Variants in NTM observed in about 807,000 individuals in gnomAD.
The protein encoded by NTM is neurotrimin.
Under a neutral mutation model 42.1 loss-of-function variants are expected in NTM, and 13 were observed. The ratio of observed to expected loss-of-function variants is 0.31; its 90% CI spans 0.20 to 0.49. NTM has a LOEUF of 0.49. Ranked by LOEUF, NTM falls within the 20% of genes least tolerant of loss-of-function variation. The probability of loss-of-function intolerance (pLI) is 0.99; values close to 1 mark genes in which losing one functional copy is unlikely to be tolerated. For synonymous variants in NTM, 187 were observed against 179.2 expected, an observed-to-expected ratio of 1.04 and a Z score of -0.35; for missense variants, 373 against 452.8, an observed-to-expected ratio of 0.82 and a Z score of 1.60.
chr11:131,785,138 GC>G (rs1485228375), intron 1 of NTM, among the ~76,000 whole-genome samples: 2 of 152,126 alleles, frequency 1.3e-5, no homozygotes, highest in Non-Finnish European at 2.9e-5. Context: ...GACACAACTA[GC>G]CTTTGCATGT....
At chr11:131,988,449 C>G (rs2066445014) in intron 2 of NTM, among the ~76,000 whole-genome samples, 1 of 152,176 alleles carries the variant, frequency 6.6e-6, no homozygotes, top group African/African-American at 2.4e-5. Context: ...TGCTCTCTCT[C>G]CTTTCTTCCA....
chr11:131,700,389 G>C lies in NTM; in HGVS notation c.83-211175G>C, dbSNP rs145135659. ...CTCATTCCACACTTTGTCTCTAAGAGATCCCCCTTTCTCCCATAGTTTTAG... is the reference window on the plus strand; with the variant it reads ...CTCATTCCACACTTTGTCTCTAAGACATCCCCCTTTCTCCCATAGTTTTAG... On this transcript the variant is annotated intron_variant, in intron 1 of 8. Coordinates refer to ENST00000683400, the MANE Select transcript of NTM (RefSeq NM_001352005.2). Among the ~76,000 whole-genome samples the C allele has an allele frequency of 2.4e-3, 369 of 152,218 alleles. 1 individual carries two copies. Among genetic ancestry groups the C allele is most frequent in the African/African-American group, 8.3e-3 (343 of 41,532 alleles).
intron 2 of NTM, among the ~76,000 whole-genome samples, chr11:132,084,225 T>C (rs928436755): frequency 6.6e-6 from 1 of 152,158 alleles, no homozygotes; most frequent in African/African-American, 2.4e-5. Context: ...CAATTGTCTA[T>C]GAATAAGAAT....
At position 132,263,223 on chromosome 11, in the gene NTM, G is replaced by GC. The variant is rs541756424; in HGVS notation, c.527-44464dup. ...TCCAACCCCAAGGCTGTTCAAGGGGGCCATCTGGCCTGTTGAAACTGAGGT... is the reference window on the plus strand; with the variant it reads ...TCCAACCCCAAGGCTGTTCAAGGGGGCCCATCTGGCCTGTTGAAACTGAGGT... On this transcript the variant is annotated intron_variant, in intron 4 of 8. Transcript: ENST00000683400. Among the ~76,000 whole-genome samples, 82 of 152,328 alleles carry GC rather than the reference G, an allele frequency of 5.4e-4. No individual in the cohort carries two copies. In the South Asian group the frequency reaches 0.014, roughly 27 times the overall value.
chr11:132,207,487 T>A (rs2082167132), intron 3 of NTM, among the ~76,000 whole-genome samples: 1 of 152,168 alleles, frequency 6.6e-6, no homozygotes, highest in East Asian at 1.9e-4. Context: ...TCATTATATG[T>A]TACAACATTA....
Position 132,336,486 on chromosome 11 carries a change from C to T in NTM, c.*1340C>T, listed in dbSNP as rs998980280. ...GTGGCCCCGCTTTCTCCATTCTGCC[C>T]TGTGGCGTTAACAGACAGCAAGCAG... On this transcript the variant is annotated 3_prime_UTR_variant, in exon 9 of 9. Coordinates refer to ENST00000683400, the MANE Select transcript of NTM (RefSeq NM_001352005.2). The T allele has an allele frequency of 6.6e-6, 1 of 152,602 alleles. No individual in the cohort carries two copies. Among genetic ancestry groups the T allele is most frequent in the Admixed American group, 6.5e-5 (1 of 15,284 alleles). The allele number at this position is 152,602 out of a possible 1,614,324, so 9.5% of individuals were successfully genotyped here.
At chr11:131,893,276 G>A (rs554479199) in intron 1 of NTM, among the ~76,000 whole-genome samples, 14 of 152,338 alleles carry the variant, frequency 9.2e-5, no homozygotes, top group African/African-American at 3.4e-4. Flanking sequence ...AGGAGGAGCA[G>A]AGGGGGAGCC....
At chr11:131,447,202 T>C (rs1322479956) in intron 1 of NTM, among the ~76,000 whole-genome samples, 1 of 152,172 alleles carries the variant, frequency 6.6e-6, no homozygotes, top group African/African-American at 2.4e-5. Flanking sequence ...CCACATGGTT[T>C]TGCGATGGCC....
intron 1 of NTM, among the ~76,000 whole-genome samples, chr11:131,566,173 T>C (rs1463066611): frequency 1.3e-5 from 2 of 152,304 alleles, no homozygotes; most frequent in East Asian, 3.9e-4. Context: ...ATAAGATCTA[T>C]CACGGCGCTT....
chr11:131,421,964 T>A lies in NTM; in HGVS notation c.82+51076T>A, dbSNP rs567140380. Among the ~76,000 whole-genome samples the A allele has an allele frequency of 1.4e-3, 213 of 152,306 alleles. 3 individuals are homozygous for A. In the South Asian group the frequency reaches 0.018, roughly 13 times the overall value. On this transcript the variant is annotated intron_variant, in intron 1 of 8. Transcript: ENST00000683400. Reference sequence around the variant, plus strand: ...TCTCTGGAGATATTAACTGTTCTGATGTCCTGTGAGTAGGCAGTGGTCAGG... The same window carrying A: ...TCTCTGGAGATATTAACTGTTCTGAAGTCCTGTGAGTAGGCAGTGGTCAGG...
chr11:132,331,582 C>T (rs1177112592), intron 8 of NTM, among the ~76,000 whole-genome samples: 1 of 152,180 alleles, frequency 6.6e-6, no homozygotes. Context: ...CTTCTTTCAA[C>T]AAACATTGGT....
chr11:132,154,395 C>A (rs2072692017), intron 3 of NTM, among the ~76,000 whole-genome samples: 1 of 152,196 alleles, frequency 6.6e-6, no homozygotes, highest in Non-Finnish European at 1.5e-5. Context: ...ATGCTTCTTG[C>A]ATGGTTAAGA....
At chr11:131,680,684 T>C (rs903649776) in intron 1 of NTM, among the ~76,000 whole-genome samples, 81 of 58,490 alleles carry the variant, frequency 1.4e-3, no homozygotes, top group African/African-American at 4.7e-3. Context: ...AGATCATGCC[T>C]GTGTCTGTGT....
At chr11:132,209,138 T>C (rs1277670507) in intron 3 of NTM, among the ~76,000 whole-genome samples, 1 of 152,220 alleles carries the variant, frequency 6.6e-6, no homozygotes, top group African/African-American at 2.4e-5. Context: ...TCAATTTAAA[T>C]GATTCCAGAA....
At chr11:131,911,360 G>A (rs2054921591) in intron 1 of NTM, 2 of 1,532,036 alleles carry the variant, frequency 1.3e-6, no homozygotes, top group Middle Eastern at 1.8e-4. Context: ...CGCGCCTCCC[G>A]GTCGCCGCGG....
At chr11:131,873,899 C>A (rs1330364929) in intron 1 of NTM, among the ~76,000 whole-genome samples, 1 of 139,542 alleles carries the variant, frequency 7.2e-6, no homozygotes, top group African/African-American at 2.6e-5. Context: ...TGAGTGAGAA[C>A]ATGCAGTGTT....
rs780399284 is a variant in NTM, at chr11:131,533,407, G to A, written c.82+162519G>A. 6.6e-4 allele frequency among the ~76,000 whole-genome samples: 101 copies of A among 152,200 alleles called. 1 individual carries two copies. The highest frequency in any genetic ancestry group is 2.5e-4 in the Non-Finnish European group (17 of 68,034). ...GGCCTTGATAAATGCCTTTCTCTGT[G>A]TCTGTTACACCAGCCCAGGAGAGAA... On this transcript the variant is annotated intron_variant, in intron 1 of 8. Transcript: ENST00000683400.
chr11:132,228,497 G>T (rs1592364858), intron 4 of NTM, among the ~76,000 whole-genome samples: 1 of 152,254 alleles, frequency 6.6e-6, no homozygotes, highest in Non-Finnish European at 1.5e-5. Context: ...TGCCACCATT[G>T]CCCTAGAGGC....
chr11:132,183,479 CTAAAT>C (rs2077894849), intron 3 of NTM, among the ~76,000 whole-genome samples: 1 of 152,048 alleles, frequency 6.6e-6, no homozygotes, highest in Non-Finnish European at 1.5e-5. Context: ...ACCATAAACT[CTAAAT>C]TAGCAGGCAT....
Sources: gnomAD v4.1 joint callset for allele counts (sites outside exome capture counted in the v4.1 genomes callset) on GRCh38, gnomAD v4.1.1 for gene constraint, MANE v1.5 for transcripts, NCBI Gene and HGNC (gene_info 2026-07-23, HGNC 2026-07-21) for gene names.